Variants in ZFP90 observed in about 807,000 individuals in gnomAD.
ZFP90 encodes zinc finger protein 90 homolog.
Under a neutral mutation model 60.8 loss-of-function variants are expected in ZFP90, and 38 were observed. The ratio of observed to expected loss-of-function variants is 0.62; its 90% CI spans 0.48 to 0.82. The LOEUF (loss-of-function observed/expected upper bound fraction) is 0.82. Among genes scored for constraint, ZFP90 ranks in the 40% least tolerant of loss-of-function variants. The probability of loss-of-function intolerance (pLI) is 0.00; values close to 1 mark genes in which losing one functional copy is unlikely to be tolerated. For synonymous variants in ZFP90, 287 were observed against 264.8 expected, an observed-to-expected ratio of 1.08 and a Z score of -0.82; for missense variants, 711 against 759.1, an observed-to-expected ratio of 0.94 and a Z score of 0.74.
chr16:68,556,950 G>T (rs1216531406), intron 2 of ZFP90, among the ~76,000 whole-genome samples: 1 of 152,178 alleles, frequency 6.6e-6, no homozygotes, highest in Non-Finnish European at 1.5e-5. Flanking sequence ...GGAACATCAA[G>T]ATCAGCATGC....
In ZFP90 at chr16:68,566,833, A is replaced by G. The variant is rs912014843; in HGVS notation, c.*2135A>G. The stretch of plus-strand genomic sequence containing the variant: ...TCAGGAATGGCATGAATTGTAACCA[A>G]CTGAGTGCTGCCCCCACTGTTACGG... On this transcript the variant is annotated 3_prime_UTR_variant, in exon 5 of 5. Coordinates refer to ENST00000563169, the MANE Select transcript of ZFP90 (RefSeq NM_001305203.2). 4.1e-6 allele frequency: 4 copies of G among 985,488 alleles called. No individual in the cohort carries two copies. The highest frequency in any genetic ancestry group is 1.7e-5 in the African/African-American group (1 of 57,240). The allele number at this position is 985,488 out of a possible 1,614,324, so 61.0% of individuals were successfully genotyped here.
intron 2 of ZFP90, 51 bp from the exon 3 acceptor site, chr16:68,557,947 T>C (rs551990783): frequency 6.4e-5 from 103 of 1,610,202 alleles, no homozygotes; most frequent in Non-Finnish European, 8.3e-5. Flanking sequence ...AGCATTGCCT[T>C]AGAACATTTG....
intron 2 of ZFP90, chr16:68,573,809 G>T (rs2091579785): frequency 6.6e-6 from 1 of 152,256 alleles, no homozygotes; most frequent in Non-Finnish European, 1.5e-5. Flanking sequence ...CCTCCTGAAC[G>T]CAGGGACATG....
intron 2 of ZFP90, among the ~76,000 whole-genome samples, chr16:68,546,165 ACT>A (rs1418200416): frequency 3.3e-5 from 5 of 152,190 alleles, no homozygotes; most frequent in Admixed American, 1.3e-4. Flanking sequence ...ACACAGCAAG[ACT>A]CTGACTCAAA....
At chr16:68,551,724 C>T (rs920721298) in intron 2 of ZFP90, among the ~76,000 whole-genome samples, 2 of 148,084 alleles carry the variant, frequency 1.4e-5, no homozygotes, top group African/African-American at 2.5e-5. Context: ...ACATGTGATA[C>T]TTCTTAATAA....
In ZFP90 at chr16:68,563,563, G is replaced by C; in HGVS notation, c.776G>C (p.Cys259Ser). 1 of 1,614,242 alleles carries C rather than the reference G, an allele frequency of 6.2e-7. No individual in the cohort carries two copies. The highest frequency in any genetic ancestry group is 8.5e-7 in the Non-Finnish European group (1 of 1,180,032). ...AAGAAACACCATGAATGTACCGACTGTGGGAAAACCTTTCTCTGGAAGACA... is the reference window on the plus strand; with the variant it reads ...AAGAAACACCATGAATGTACCGACTCTGGGAAAACCTTTCTCTGGAAGACA... ...PGKKHHECTD[C>S]GKTFLWKTQL... is the part of the protein sequence containing the mutation. The change falls in exon 5 of 5, where the codon TGT (cysteine) becomes TCT (serine). Residue 259 changes from cysteine to serine, a missense_variant. Coordinates refer to ENST00000563169, the MANE Select transcript of ZFP90 (RefSeq NM_001305203.2).
chr16:68,558,628 G>C (rs552148108), intron 4 of ZFP90, 60 bp downstream of exon 4: 2 of 1,481,188 alleles, frequency 1.4e-6, no homozygotes, highest in East Asian at 4.5e-5. Context: ...ACTTAGGGAG[G>C]GGGAGATACC....
At chr16:68,539,666 G>T in intron 1 of ZFP90, 92 bp from the exon 2 acceptor site, 1 of 1,013,802 alleles carries the variant, frequency 9.9e-7, no homozygotes, top group South Asian at 1.7e-5. Context: ...ATCTCCCCTG[G>T]AGATGTGGTT....
chr16:68,569,158 ATGGAGTCTCACTCTGTCACCCAAGC>A (rs2091554213), downstream of ZFP90, among the ~76,000 whole-genome samples: 1 of 22,076 alleles, frequency 4.5e-5, no homozygotes, highest in Non-Finnish European at 1.1e-4. Context: ...TTTTTTTGAG[ATGGAGTCTCACTCTGTCACCCAAGC>A]TGGAGTGCAG....
chr16:68,541,819 A>G (rs530764780), intron 2 of ZFP90, among the ~76,000 whole-genome samples: 1 of 152,258 alleles, frequency 6.6e-6, no homozygotes, highest in South Asian at 2.1e-4. Context: ...GGTCTTTTCC[A>G]TAGTGGGAGG....
At chr16:68,552,601 G>C (rs12149608) in intron 2 of ZFP90, among the ~76,000 whole-genome samples, 9,836 of 152,240 alleles carry the variant, frequency 0.065, 431 homozygotes, top group Non-Finnish European at 0.1. Context: ...AGAACGTTCT[G>C]GTTTCAAGGA....
At chr16:68,567,542 T>C (rs1029576768), downstream of ZFP90, among the ~76,000 whole-genome samples, 2 of 152,156 alleles carry the variant, frequency 1.3e-5, no homozygotes, top group South Asian at 4.1e-4. Flanking sequence ...TGGGCTTTTG[T>C]GTTGCTAGGC....
At position 68,564,785 on chromosome 16, in the gene ZFP90, T is replaced by A. The variant is rs1370805567; in HGVS notation, c.*87T>A. On this transcript the variant is annotated 3_prime_UTR_variant, in exon 5 of 5. Transcript: ENST00000563169. The stretch of plus-strand genomic sequence containing the variant: ...AGGATTCTTAGAGAGCTTGGGAATG[T>A]AATGAATTACGTGTGTGTTTATACG... 1 of 1,484,576 alleles carries A rather than the reference T, an allele frequency of 6.7e-7. No homozygotes were observed. Among genetic ancestry groups the A allele is most frequent in the Non-Finnish European group, 8.9e-7 (1 of 1,123,184 alleles). 92.0% of individuals were successfully genotyped at this position (1,484,576 alleles called of 1,614,324 possible). A position where few individuals can be genotyped will look rare whatever the true frequency, so the allele number is the denominator to read the frequency against.
Position 68,566,612 on chromosome 16 carries a change from G to A in ZFP90, c.*1914G>A, listed in dbSNP as rs1047825787. The A allele has an allele frequency of 2.5e-5, 25 of 985,454 alleles. No homozygotes were observed. The highest frequency in any genetic ancestry group is 2.8e-5 in the Non-Finnish European group (23 of 829,944). The allele number at this position is 985,454 out of a possible 1,614,324, so 61.0% of individuals were successfully genotyped here. A position where few individuals can be genotyped will look rare whatever the true frequency, so the allele number is the denominator to read the frequency against. On this transcript the variant is annotated 3_prime_UTR_variant, in exon 5 of 5. Transcript: ENST00000563169. ...AATGGCAGATCTGCCCTTCTGAGAT[G>A]CTGACCATCCAAAACACCTTGTTTA...
intron 4 of ZFP90, among the ~76,000 whole-genome samples, chr16:68,559,682 C>T (rs547162682): frequency 5.0e-4 from 76 of 152,166 alleles, no homozygotes; most frequent in Middle Eastern, 6.8e-3. Flanking sequence ...ATCCTCCCAC[C>T]TCAGCCTCCC....
At chr16:68,534,119 T>A (rs1418906117) in intron 2 of ZFP90, among the ~76,000 whole-genome samples, 1 of 152,132 alleles carries the variant, frequency 6.6e-6, no homozygotes, top group African/African-American at 2.4e-5. Flanking sequence ...TCTTTGTCCA[T>A]TTGTGGATAA....
In ZFP90 at chr16:68,566,913, T is replaced by C. The variant is rs1353367937; in HGVS notation, c.*2215T>C. 1.0e-6 allele frequency: 1 copy of C among 985,488 alleles called. No homozygotes were observed. Among genetic ancestry groups the C allele is most frequent in the African/African-American group, 1.7e-5 (1 of 57,228 alleles). 61.0% of individuals were successfully genotyped at this position (985,488 alleles called of 1,614,324 possible). A position where few individuals can be genotyped will look rare whatever the true frequency, so the allele number is the denominator to read the frequency against. The stretch of plus-strand genomic sequence containing the variant: ...CCAAAGGAGAGTACTGGTTTGTGTT[T>C]GGTGCTTGGCCTAGATCCAGCCACC... On this transcript the variant is annotated 3_prime_UTR_variant, in exon 5 of 5. Transcript: ENST00000563169.
intron 2 of ZFP90, among the ~76,000 whole-genome samples, chr16:68,545,008 T>C (rs932851156): frequency 6.0e-5 from 9 of 150,420 alleles, no homozygotes; most frequent in Admixed American, 4.0e-4. Context: ...GCCTCCAGAG[T>C]AGCTGGGACT....
chr16:68,541,606 A>T (rs1381052671), intron 2 of ZFP90, among the ~76,000 whole-genome samples: 1 of 151,660 alleles, frequency 6.6e-6, no homozygotes, highest in Non-Finnish European at 1.5e-5. Context: ...CTGCGTTTTT[A>T]TATATATATA....
Sources: gnomAD v4.1 joint callset for allele counts (sites outside exome capture counted in the v4.1 genomes callset) on GRCh38, gnomAD v4.1.1 for gene constraint, MANE v1.5 for transcripts, NCBI Gene and HGNC (gene_info 2026-07-23, HGNC 2026-07-21) for gene names.